HTR3B: variants seen among roughly 807,000 people sequenced by gnomAD.
The protein encoded by HTR3B is 5-hydroxytryptamine receptor 3B, also known as 5-hydroxytryptamine (serotonin) receptor 3B, ionotropic.
HTR3B carries 44 observed loss-of-function variants against 42.8 expected under a neutral mutation model. That is an observed-to-expected ratio of 1.03 (90% CI 0.81 to 1.32). The LOEUF is 1.32. Among genes scored for constraint, HTR3B ranks in the 40% most tolerant of loss-of-function variants. The probability of loss-of-function intolerance (pLI) is 0.00; values close to 1 mark genes in which losing one functional copy is unlikely to be tolerated. For missense variants in HTR3B, 527 were observed against 536.5 expected (o/e 0.98, Z 0.17); for synonymous variants, 203 against 209.0 (o/e 0.97, Z 0.25).
chr11:113,936,078 G>A (rs1013858705), intron 6 of HTR3B, among the ~76,000 whole-genome samples: 2 of 152,150 alleles, frequency 1.3e-5, no homozygotes, highest in Non-Finnish European at 2.9e-5. Flanking sequence ...TCTGTGTACA[G>A]CCTGGGACCC....
chr11:113,947,075 A>T lies in HTR3B; in HGVS notation c.*938A>T, dbSNP rs1326762193. 6.7e-6 allele frequency among the ~76,000 whole-genome samples: 1 copy of T among 150,106 alleles called. No homozygotes were observed. Among genetic ancestry groups the T allele is most frequent in the Non-Finnish European group, 1.5e-5 (1 of 67,730 alleles). On this transcript the variant is annotated 3_prime_UTR_variant, in exon 9 of 9. Coordinates refer to ENST00000260191, the MANE Select transcript of HTR3B (RefSeq NM_006028.5). ...TCTTCCTGTGCCCCTTCAGCAGTGC[A>T]TCCCCACTGGAGAGAACCCAGGTGC...
intron 6 of HTR3B, among the ~76,000 whole-genome samples, chr11:113,941,172 C>T (rs745681036): frequency 5.3e-5 from 8 of 152,204 alleles, no homozygotes; most frequent in African/African-American, 7.2e-5. Flanking sequence ...ATCAGAGAAA[C>T]GGGAGATTTC....
Position 113,932,453 on chromosome 11 carries a change from A to G in HTR3B, c.533A>G (p.His178Arg), listed in dbSNP as rs756623079. The G allele has an allele frequency of 2.5e-6, 4 of 1,613,150 alleles. No individual in the cohort carries two copies. The highest frequency in any genetic ancestry group is 2.2e-5 in the South Asian group (2 of 91,046). The change falls in exon 5 of 9, where the codon CAT becomes CGT. Residue 178 changes from histidine (H) to arginine (R), a missense_variant. Coordinates refer to ENST00000260191, the MANE Select transcript of HTR3B (RefSeq NM_006028.5). The part of the protein sequence containing the change: ...NCSLTFKSIL[H>R]TVEDVDLAFL... ...AGCCTGACCTTCAAGAGCATTCTGCATACAGGTAAACCATGAGAGATACCC... is the reference window on the plus strand; with the variant it reads ...AGCCTGACCTTCAAGAGCATTCTGCGTACAGGTAAACCATGAGAGATACCC...
upstream of HTR3B, among the ~76,000 whole-genome samples, chr11:113,900,173 ACT>A (rs1949687943): frequency 3.3e-5 from 5 of 151,876 alleles, no homozygotes; most frequent in Non-Finnish European, 7.4e-5. Flanking sequence ...CAGGAGAATC[ACT>A]TGAACTTGGG....
intron 6 of HTR3B, 125 bp from the exon 7 acceptor site, chr11:113,942,857 A>T: frequency 1.3e-6 from 1 of 752,896 alleles, no homozygotes; most frequent in Non-Finnish European, 2.2e-6. Flanking sequence ...AAGATAAATT[A>T]GACAGATTTT....
In HTR3B at chr11:113,909,371, T is replaced by G; in HGVS notation, c.129T>G (p.Tyr43Ter). 6.2e-7 allele frequency: 1 copy of G among 1,613,648 alleles called. No homozygotes were observed. The highest frequency in any genetic ancestry group is 8.5e-7 in the Non-Finnish European group (1 of 1,179,586). The change falls in exon 2 of 9, where the codon TAT becomes TAG. Residue 43 changes from tyrosine to a stop codon, truncating the protein, a stop_gained. Transcript: ENST00000260191. LOFTEE classifies it high-confidence loss of function. Reference sequence around the variant, plus strand: ...TCAGCAAGCAGCTATTACAGAAATATCATAAAGAAGTGAGACCTGTTTACA... The same window carrying G: ...TCAGCAAGCAGCTATTACAGAAATAGCATAAAGAAGTGAGACCTGTTTACA... ...YHLSKQLLQK[Y>*]HKEVRPVYNW... is the part of the protein sequence containing the mutation.
intron 6 of HTR3B, among the ~76,000 whole-genome samples, chr11:113,934,530 G>T (rs1049892708): frequency 6.6e-6 from 1 of 152,184 alleles, no homozygotes; most frequent in African/African-American, 2.4e-5. Context: ...ATTGGTTAAA[G>T]GTGTATACAG....
At chr11:113,925,008 G>A (rs549214530) in intron 2 of HTR3B, among the ~76,000 whole-genome samples, 25 of 152,274 alleles carry the variant, frequency 1.6e-4, no homozygotes, top group African/African-American at 5.8e-4. Context: ...ATAAAAAGGG[G>A]AAATTTAAAA....
At chr11:113,902,103 C>G (rs1949700802), upstream of HTR3B, among the ~76,000 whole-genome samples, 5 of 152,150 alleles carry the variant, frequency 3.3e-5, no homozygotes, top group Admixed American at 3.3e-4. Flanking sequence ...AAGAGTATTT[C>G]TCAGATAAAC....
Position 113,904,844 on chromosome 11 carries a change from A to T in HTR3B, c.-90A>T. The T allele has an allele frequency of 1.0e-6, 1 of 997,088 alleles. No homozygotes were observed. Among genetic ancestry groups the T allele is most frequent in the Non-Finnish European group, 1.6e-6 (1 of 620,024 alleles). 61.8% of individuals were successfully genotyped at this position (997,088 alleles called of 1,614,324 possible). ...CTGGCAAACGGAGAAGGAGGAGAAC[A>T]GAGTGGAGAGGAACCCTGTTAGGAG... On this transcript the variant is annotated 5_prime_UTR_variant, in exon 1 of 9. Transcript: ENST00000260191.
chr11:113,936,524 C>T (rs1950093525), intron 6 of HTR3B, among the ~76,000 whole-genome samples: 1 of 151,984 alleles, frequency 6.6e-6, no homozygotes, highest in Admixed American at 6.6e-5. Flanking sequence ...ATCAAGATCC[C>T]TCTAAGTGCT....
chr11:113,939,358 G>A (rs1056089600), intron 6 of HTR3B, among the ~76,000 whole-genome samples: 1 of 152,184 alleles, frequency 6.6e-6, no homozygotes, highest in African/African-American at 2.4e-5. Flanking sequence ...AGTGAAAAAT[G>A]AAAATGCAGG....
intron 2 of HTR3B, among the ~76,000 whole-genome samples, chr11:113,919,285 C>T (rs1450001915): frequency 1.3e-5 from 2 of 152,122 alleles, no homozygotes; most frequent in Non-Finnish European, 2.9e-5. Context: ...ATTCCATTTA[C>T]CTGCTCCCGC....
chr11:113,945,978 C>T lies in HTR3B; in HGVS notation c.1167C>T (p.Ser389=). The T allele has an allele frequency of 6.8e-6, 11 of 1,614,166 alleles. No homozygotes were observed. The highest frequency in any genetic ancestry group is 7.6e-6 in the Non-Finnish European group (9 of 1,180,030). Residue 389 remains serine, a synonymous_variant, in exon 9 of 9, where the codon AGC becomes AGT. Transcript: ENST00000260191. ...KEVWSQLQSI[S]NYLQTQDQTD... is the part of the protein sequence containing the mutation. ...TCTGGTCGCAGCTTCAATCTATCAG[C>T]AACTACCTCCAAACTCAGGACCAGA...
chr11:113,922,798 G>T (rs182444284), intron 2 of HTR3B, among the ~76,000 whole-genome samples: 2 of 151,684 alleles, frequency 1.3e-5, no homozygotes, highest in South Asian at 2.1e-4. Context: ...CTCGTGATCC[G>T]CCTGCCTTGG....
At chr11:113,911,921 A>T (rs1236270839) in intron 2 of HTR3B, among the ~76,000 whole-genome samples, 1 of 152,098 alleles carries the variant, frequency 6.6e-6, no homozygotes, top group Non-Finnish European at 1.5e-5. Flanking sequence ...ACCCACAGAG[A>T]CAAATACTCT....
intron 8 of HTR3B, 25 bp from the exon 9 acceptor site, chr11:113,945,877 C>T (rs1950172647): frequency 6.4e-7 from 1 of 1,563,126 alleles, no homozygotes; most frequent in Non-Finnish European, 8.8e-7. Context: ...CTGGCTCACC[C>T]AGGGTGTTTT....
intron 6 of HTR3B, among the ~76,000 whole-genome samples, chr11:113,936,937 A>T (rs965489067): frequency 3.9e-5 from 6 of 152,284 alleles, no homozygotes; most frequent in African/African-American, 1.4e-4. Flanking sequence ...AATTAGATTG[A>T]TCTCTTTCAT....
At chr11:113,936,561 G>A (rs1158721920) in intron 6 of HTR3B, among the ~76,000 whole-genome samples, 1 of 151,990 alleles carries the variant, frequency 6.6e-6, no homozygotes, top group Non-Finnish European at 1.5e-5. Flanking sequence ...GAGAGAGAGA[G>A]AAAGAGAGAG....
Sources: allele counts gnomAD v4.1 joint callset (sites outside exome capture counted in the v4.1 genomes callset), GRCh38; gene constraint gnomAD v4.1.1; transcripts MANE v1.5; gene names NCBI Gene and HGNC (gene_info 2026-07-23, HGNC 2026-07-21).